Variants in CASQ2 observed in about 807,000 individuals in gnomAD.
The protein encoded by CASQ2 is calsequestrin-2.
Under a neutral mutation model 46.5 loss-of-function variants are expected in CASQ2, and 49 were observed. The ratio of observed to expected loss-of-function variants is 1.05; its 90% CI spans 0.84 to 1.34. The LOEUF is 1.34. CASQ2 is among the 40% of genes most tolerant of loss of function. CASQ2 has a pLI of 0.00. For synonymous variants in CASQ2, 174 were observed against 168.5 expected, an observed-to-expected ratio of 1.03 and a Z score of -0.25; for missense variants, 486 against 481.3, an observed-to-expected ratio of 1.01 and a Z score of -0.09.
At chr1:115,766,362 A>G (rs1649133416) in intron 1 of CASQ2, among the ~76,000 whole-genome samples, 1 of 152,216 alleles carries the variant, frequency 6.6e-6, no homozygotes, top group Non-Finnish European at 1.5e-5. Flanking sequence ...CACATCTATA[A>G]AATGGAATTG....
chr1:115,756,822 C>T (rs1201672070), intron 1 of CASQ2, among the ~76,000 whole-genome samples: 1 of 152,140 alleles, frequency 6.6e-6, no homozygotes, highest in Non-Finnish European at 1.5e-5. Flanking sequence ...TGGCACACGC[C>T]TGTAGTCTCA....
chr1:115,713,307 A>G (rs1418006868), intron 8 of CASQ2, among the ~76,000 whole-genome samples: 1 of 152,220 alleles, frequency 6.6e-6, no homozygotes, highest in Non-Finnish European at 1.5e-5. Context: ...CAGGAGCTGG[A>G]GGAAGACTGG....
In CASQ2 at chr1:115,744,849, CTTCT is replaced by C; in HGVS notation, c.294_297del (p.Glu99ProfsTer24). The C allele has an allele frequency of 6.2e-7, 1 of 1,613,708 alleles. No homozygotes were observed. Among genetic ancestry groups the C allele is most frequent in the South Asian group, 1.1e-5 (1 of 91,040 alleles). ...TTACCCAGTTTCTTGGCAAGCTTGG[CTTCT>C]TTCTTGGCATCCACCATCACAAAGC... is the stretch of plus-strand genomic sequence containing the variant. On this transcript the variant is annotated frameshift_variant, in exon 2 of 11. Coordinates refer to ENST00000261448, the MANE Select transcript of CASQ2 (RefSeq NM_001232.4). LOFTEE classifies it high-confidence loss of function.
chr1:115,703,034 G>C lies in CASQ2; in HGVS notation c.940-39C>G, dbSNP rs12402684. 327,978 of 1,545,860 alleles carry C rather than the reference G, an allele frequency of 0.21. 35,431 individuals carry two copies. Among genetic ancestry groups the C allele is most frequent in the South Asian group, 0.26 (22,425 of 86,892 alleles). On this transcript the variant is annotated intron_variant, in intron 9 of 10. Coordinates refer to ENST00000261448, the MANE Select transcript of CASQ2 (RefSeq NM_001232.4). ...AAAATAAGATTAGACAGCAGGCAGAGGGCATTCTCTGTTAAGGACCCACCC... is the reference window on the plus strand; with the variant it reads ...AAAATAAGATTAGACAGCAGGCAGACGGCATTCTCTGTTAAGGACCCACCC...
chr1:115,740,948 C>G, intron 2 of CASQ2, 120 bp from the exon 3 acceptor site: 1 of 714,998 alleles, frequency 1.4e-6, no homozygotes, highest in South Asian at 1.5e-5. Context: ...GTGGAACTAG[C>G]ATTAACCAAA....
At chr1:115,711,332 G>A (rs1192113276) in intron 8 of CASQ2, among the ~76,000 whole-genome samples, 2 of 152,168 alleles carry the variant, frequency 1.3e-5, no homozygotes, top group Non-Finnish European at 2.9e-5. Flanking sequence ...CAGCTTAGAG[G>A]TTGTGTCTAA....
intron 4 of CASQ2, among the ~76,000 whole-genome samples, chr1:115,735,562 T>A (rs1363933231): frequency 6.6e-6 from 1 of 152,134 alleles, no homozygotes; most frequent in Non-Finnish European, 1.5e-5. Context: ...TAAAAAGAGG[T>A]TAAAATGATT....
At chr1:115,738,469 A>C in intron 3 of CASQ2, 134 bp from the exon 4 acceptor site, 1 of 728,112 alleles carries the variant, frequency 1.4e-6, no homozygotes, top group Non-Finnish European at 2.5e-6. Flanking sequence ...CATTCTCCCC[A>C]CAATCCCCCA....
intron 1 of CASQ2, among the ~76,000 whole-genome samples, chr1:115,752,750 T>C (rs1267186176): frequency 6.6e-6 from 1 of 152,122 alleles, no homozygotes; most frequent in Non-Finnish European, 1.5e-5. Flanking sequence ...ATCGTCTGAG[T>C]AGAAGAGTAA....
At chr1:115,761,497 G>GAAGAAGAAGAAGAAGAAGAAAAAGA (rs1648956584) in intron 1 of CASQ2, among the ~76,000 whole-genome samples, 1 of 18,940 alleles carries the variant, frequency 5.3e-5, no homozygotes, top group South Asian at 2.8e-3. Context: ...GGAGAAGAAG[G>GAAGAAGAAGAAGAAGAAGAAAAAGA]AGAAGAAGAA....
At chr1:115,755,501 A>G (rs1401261265) in intron 1 of CASQ2, among the ~76,000 whole-genome samples, 1 of 152,224 alleles carries the variant, frequency 6.6e-6, no homozygotes, top group African/African-American at 2.4e-5. Context: ...TCATGAATGT[A>G]AAATAATGAC....
At chr1:115,712,416 ACAGAGCC>A (rs1320514910) in intron 8 of CASQ2, among the ~76,000 whole-genome samples, 1 of 152,182 alleles carries the variant, frequency 6.6e-6, no homozygotes, top group Non-Finnish European at 1.5e-5. Context: ...GCTGATGGTT[ACAGAGCC>A]CAGACTCGGG....
intron 8 of CASQ2, among the ~76,000 whole-genome samples, chr1:115,717,438 G>A (rs1654739332): frequency 6.6e-6 from 1 of 152,060 alleles, no homozygotes; most frequent in Non-Finnish European, 1.5e-5. Flanking sequence ...AATTTTCCAG[G>A]CCCTCACCTT....
chr1:115,728,608 G>A (rs1375049784), intron 5 of CASQ2, among the ~76,000 whole-genome samples: 3 of 152,116 alleles, frequency 2.0e-5, no homozygotes, highest in South Asian at 2.1e-4. Context: ...GAAGTGATCA[G>A]AATGAAAACA....
At chr1:115,736,226 A>G (rs543390166) in intron 4 of CASQ2, among the ~76,000 whole-genome samples, 1 of 152,192 alleles carries the variant, frequency 6.6e-6, no homozygotes, top group Non-Finnish European at 1.5e-5. Flanking sequence ...CACTATCCAC[A>G]TATACAAGTG....
At chr1:115,724,416 C>G (rs1647498224) in intron 7 of CASQ2, among the ~76,000 whole-genome samples, 2 of 152,292 alleles carry the variant, frequency 1.3e-5, no homozygotes, top group South Asian at 4.1e-4. Context: ...AATCCTCCCA[C>G]CTCAACTTCC....
chr1:115,723,048 A>C (rs1647435971), intron 7 of CASQ2, among the ~76,000 whole-genome samples: 1 of 151,918 alleles, frequency 6.6e-6, no homozygotes, highest in South Asian at 2.1e-4. Flanking sequence ...AATCCGTCTC[A>C]AAAAAAATAA....
chr1:115,738,418 G>A, intron 3 of CASQ2, 83 bp from the exon 4 acceptor site: 1 of 918,418 alleles, frequency 1.1e-6, no homozygotes, highest in Non-Finnish European at 1.8e-6. Context: ...TTGGAGGGAA[G>A]TTGTAGCGGA....
At chr1:115,757,040 C>G (rs1244728635) in intron 1 of CASQ2, among the ~76,000 whole-genome samples, 1 of 152,132 alleles carries the variant, frequency 6.6e-6, no homozygotes, top group Admixed American at 6.5e-5. Flanking sequence ...TTTGGGCTTG[C>G]GCAATACCGG....
Sources: allele counts gnomAD v4.1 joint callset (sites outside exome capture counted in the v4.1 genomes callset), GRCh38; gene constraint gnomAD v4.1.1; transcripts MANE v1.5; gene names NCBI Gene and HGNC (gene_info 2026-07-23, HGNC 2026-07-21).